FSTL4: variants seen among roughly 807,000 people sequenced by gnomAD.
FSTL4 encodes the protein follistatin like 4, also known as follistatin-related protein 4.
Under a neutral mutation model 78.2 loss-of-function variants are expected in FSTL4, and 28 were observed. The observed-to-expected ratio is 0.36, with a 90% confidence interval of 0.27 to 0.49. The LOEUF is 0.49. Ranked by LOEUF, FSTL4 falls within the 20% of genes least tolerant of loss-of-function variation. The probability of loss-of-function intolerance (pLI) is 0.98; values close to 1 mark genes in which losing one functional copy is unlikely to be tolerated. For synonymous variants in FSTL4, 422 were observed against 440.5 expected, an observed-to-expected ratio of 0.96 and a Z score of 0.53; for missense variants, 922 against 1,084.9, an observed-to-expected ratio of 0.85 and a Z score of 2.11.
At chr5:133,632,223 A>G in the FSTL4 span, among the ~76,000 whole-genome samples, 1 of 152,066 alleles carries the variant, frequency 6.6e-6, no homozygotes, top group Non-Finnish European at 1.5e-5. Flanking sequence ...GTTCAAGTAA[A>G]GTATAAGAAT....
intron 3 of FSTL4, among the ~76,000 whole-genome samples, chr5:133,552,036 G>A (rs1365023445): frequency 6.6e-6 from 1 of 152,144 alleles, no homozygotes; most frequent in African/African-American, 2.4e-5. Context: ...CCTAAAGCAA[G>A]GACCCACTTC....
chr5:133,724,381 C>T, the FSTL4 span, among the ~76,000 whole-genome samples: 2 of 151,920 alleles, frequency 1.3e-5, no homozygotes, highest in African/African-American at 4.8e-5. Flanking sequence ...TATGACCATC[C>T]TGGGTTTCTG....
chr5:133,506,500 T>C (rs77464409), intron 3 of FSTL4, among the ~76,000 whole-genome samples: 29 of 152,090 alleles, frequency 1.9e-4, no homozygotes, highest in Middle Eastern at 3.4e-3. Flanking sequence ...AGAAGAAAGA[T>C]TGGAAGCTCA....
intron 3 of FSTL4, among the ~76,000 whole-genome samples, chr5:133,419,659 G>A (rs1056537851): frequency 1.3e-5 from 2 of 152,182 alleles, no homozygotes; most frequent in Non-Finnish European, 2.9e-5. Context: ...ACTTTTTAAA[G>A]AAACTGTCAA....
chr5:133,364,795 G>A (rs978970383), intron 4 of FSTL4, among the ~76,000 whole-genome samples: 9 of 152,114 alleles, frequency 5.9e-5, no homozygotes, highest in African/African-American at 2.2e-4. Context: ...AAAGCCCACC[G>A]AAATCTTTGT....
At chr5:133,651,142 C>T in the FSTL4 span, among the ~76,000 whole-genome samples, 2 of 151,840 alleles carry the variant, frequency 1.3e-5, no homozygotes, top group Non-Finnish European at 2.9e-5. Flanking sequence ...TTTGTCAGTT[C>T]ATTTGGATTT....
chr5:133,431,429 C>T (rs909892106), intron 3 of FSTL4, among the ~76,000 whole-genome samples: 1 of 152,224 alleles, frequency 6.6e-6, no homozygotes, highest in Non-Finnish European at 1.5e-5. Flanking sequence ...GGAACACTCA[C>T]TCTTAGACCC....
chr5:133,686,872 T>G, the FSTL4 span, among the ~76,000 whole-genome samples: 1 of 152,124 alleles, frequency 6.6e-6, no homozygotes, highest in Non-Finnish European at 1.5e-5. Context: ...GAAACACATT[T>G]TGCAATGGAA....
chr5:133,760,695 G>A, the FSTL4 span, among the ~76,000 whole-genome samples: 51 of 152,238 alleles, frequency 3.4e-4, no homozygotes, highest in South Asian at 5.2e-3. Context: ...ACGCAGTTCC[G>A]CTGAGGCAAC....
At chr5:133,792,436 G>C in the FSTL4 span, among the ~76,000 whole-genome samples, 1 of 152,176 alleles carries the variant, frequency 6.6e-6, no homozygotes, top group Non-Finnish European at 1.5e-5. Context: ...TTATCTTCCA[G>C]CCCTGCCCTG....
chr5:133,685,803 G>T, the FSTL4 span, among the ~76,000 whole-genome samples: 2 of 152,230 alleles, frequency 1.3e-5, no homozygotes, highest in Non-Finnish European at 2.9e-5. Context: ...TGTGAAATCA[G>T]TCCCAATGCC....
chr5:133,646,223 G>T, the FSTL4 span, among the ~76,000 whole-genome samples: 1 of 152,174 alleles, frequency 6.6e-6, no homozygotes, highest in Non-Finnish European at 1.5e-5. Context: ...TGACCTCTGA[G>T]CTTGGACCTA....
chr5:133,781,625 T>C, the FSTL4 span, among the ~76,000 whole-genome samples: 1 of 152,192 alleles, frequency 6.6e-6, no homozygotes, highest in Non-Finnish European at 1.5e-5. Context: ...TCAGATCCCC[T>C]GAGGGGAACC....
intron 3 of FSTL4, among the ~76,000 whole-genome samples, chr5:133,476,318 T>C (rs986073882): frequency 6.6e-6 from 1 of 152,202 alleles, no homozygotes; most frequent in African/African-American, 2.4e-5. Context: ...AACGAGCTTA[T>C]GGCCCCTCGA....
intron 3 of FSTL4, among the ~76,000 whole-genome samples, chr5:133,449,226 G>A (rs111482550): frequency 5.3e-5 from 8 of 152,270 alleles, no homozygotes; most frequent in African/African-American, 9.6e-5. Context: ...GCCCCTTCGC[G>A]CCTCACCTTG....
chr5:133,576,582 G>A (rs185614159), intron 2 of FSTL4, among the ~76,000 whole-genome samples: 1 of 152,268 alleles, frequency 6.6e-6, no homozygotes, highest in South Asian at 2.1e-4. Context: ...TGTACAAGGG[G>A]CCCGGCCTGA....
chr5:133,685,738 T>A, the FSTL4 span, among the ~76,000 whole-genome samples: 13 of 152,208 alleles, frequency 8.5e-5, no homozygotes, highest in Non-Finnish European at 1.9e-4. Context: ...GGTATGGGCT[T>A]ATGGCCAGTG....
Position 133,524,677 on chromosome 5 carries a change from C to G in FSTL4, c.160+42509G>C, listed in dbSNP as rs149801606. ...GAGGGCCCTCCAGAAATGCACCCCC[C>G]ACCCCGCCCCTGGGTGGGTTGTACA... On this transcript the variant is annotated intron_variant, in intron 3 of 15. Transcript: ENST00000265342. Among the ~76,000 whole-genome samples, 466 of 152,308 alleles carry G rather than the reference C, an allele frequency of 3.1e-3. 1 individual carries two copies. The highest frequency in any genetic ancestry group is 5.2e-3 in the Non-Finnish European group (351 of 68,024).
At chr5:133,835,635 A>G in the FSTL4 span, among the ~76,000 whole-genome samples, 1 of 152,238 alleles carries the variant, frequency 6.6e-6, no homozygotes, top group Non-Finnish European at 1.5e-5. Context: ...CCACAGGTAA[A>G]GCAAGCTCTA....
Sources: gnomAD v4.1 joint callset for allele counts (sites outside exome capture counted in the v4.1 genomes callset) on GRCh38, gnomAD v4.1.1 for gene constraint, MANE v1.5 for transcripts, NCBI Gene and HGNC (gene_info 2026-07-23, HGNC 2026-07-21) for gene names.